Variants in ASF1B observed in about 807,000 individuals in gnomAD.
ASF1B encodes the protein anti-silencing function 1B histone chaperone.
Under a neutral mutation model 16.6 loss-of-function variants are expected in ASF1B, and 10 were observed. That is an observed-to-expected ratio of 0.60 (90% CI 0.37 to 1.02). The LOEUF (loss-of-function observed/expected upper bound fraction) is 1.02. ASF1B is among the 50% of genes least tolerant of loss of function. The pLI, the probability that ASF1B is intolerant of heterozygous loss-of-function variation, is 0.01. For missense variants in ASF1B, 240 were observed against 266.0 expected (o/e 0.90, Z 0.68); for synonymous variants, 101 against 106.2 (o/e 0.95, Z 0.30).
Position 14,136,423 on chromosome 19 carries a change from G to C in ASF1B, c.34C>G (p.Leu12Val), listed in dbSNP as rs1967503122. 2 of 1,613,678 alleles carry C rather than the reference G, an allele frequency of 1.2e-6. No homozygotes were observed. Among genetic ancestry groups the C allele is most frequent in the Non-Finnish European group, 8.5e-7 (1 of 1,179,794 alleles). The change falls in exon 1 of 4, where the codon CTG becomes GTG. Residue 12 changes from leucine to valine, a missense_variant. Physicochemically the swap from Leu to Val is conservative, Grantham distance 32. Transcript: ENST00000263382. ...AKVSVLNVAV[L>V]ENPSPFHSPF... Reference sequence around the variant, plus strand: ...CTGTGGAAAGGGCTCGGGTTCTCCAGGACCGCCACGTTCAGCACCGACACC... The same window carrying C: ...CTGTGGAAAGGGCTCGGGTTCTCCACGACCGCCACGTTCAGCACCGACACC...
intron 2 of ASF1B, among the ~76,000 whole-genome samples, chr19:14,125,602 GA>G (rs1239039053): frequency 6.6e-6 from 1 of 152,202 alleles, no homozygotes; most frequent in Non-Finnish European, 1.5e-5. Context: ...GCCCAGGCTG[GA>G]GTGCAGTGGT....
chr19:14,121,490 A>AGAACGGCCTTGTGGGAAGCAG, intron 3 of ASF1B, 42 bp downstream of exon 3: 1 of 1,589,486 alleles, frequency 6.3e-7, no homozygotes, highest in South Asian at 1.1e-5. Context: ...CCAAGTATAA[A>AGAACGGCCTTGTGGGAAGCAG]GAACGGCCTT....
chr19:14,121,804 A>ACTTTTTGCT, intron 2 of ASF1B, 96 bp from the exon 3 acceptor site: 1 of 1,171,148 alleles, frequency 8.5e-7, no homozygotes, highest in Non-Finnish European at 1.2e-6. Context: ...TACTGAGCAA[A>ACTTTTTGCT]AAGTATGCTC....
intron 1 of ASF1B, 48 bp from the exon 2 acceptor site, chr19:14,126,285 G>A: frequency 7.4e-7 from 1 of 1,353,040 alleles, no homozygotes; most frequent in Non-Finnish European, 1.0e-6. Flanking sequence ...TCAACAGCAA[G>A]AAGGCAGGGA....
At chr19:14,128,204 G>A (rs958021106) in intron 1 of ASF1B, among the ~76,000 whole-genome samples, 1 of 152,210 alleles carries the variant, frequency 6.6e-6, no homozygotes, top group African/African-American at 2.4e-5. Context: ...AGTTTCACAA[G>A]CTGTGATTTT....
At chr19:14,122,483 A>G (rs941263950) in intron 2 of ASF1B, among the ~76,000 whole-genome samples, 1 of 151,718 alleles carries the variant, frequency 6.6e-6, no homozygotes, top group Non-Finnish European at 1.5e-5. Flanking sequence ...CTCCTGCTTC[A>G]GCCTCCCAAA....
intron 2 of ASF1B, among the ~76,000 whole-genome samples, chr19:14,122,453 A>G (rs1967254633): frequency 6.7e-6 from 1 of 150,356 alleles, no homozygotes; most frequent in African/African-American, 2.5e-5. Context: ...GCATCCTTGA[A>G]CTCCTGGGCT....
chr19:14,121,373 G>C (rs1967233881), intron 3 of ASF1B, 159 bp downstream of exon 3: 1 of 761,720 alleles, frequency 1.3e-6, no homozygotes, highest in Middle Eastern at 3.5e-4. Context: ...GCCTTTGAGA[G>C]ACAAAGGTCT....
chr19:14,131,249 A>G (rs1308929395), intron 1 of ASF1B, among the ~76,000 whole-genome samples: 1 of 150,382 alleles, frequency 6.6e-6, no homozygotes, highest in East Asian at 1.9e-4. Context: ...CAGTGGCACA[A>G]TCTCAGCTCA....
chr19:14,136,048 G>A (rs1967491221), intron 1 of ASF1B, among the ~76,000 whole-genome samples: 1 of 151,774 alleles, frequency 6.6e-6, no homozygotes, highest in Non-Finnish European at 1.5e-5. Context: ...TCTATGGGGA[G>A]GTCGGGGCGG....
At chr19:14,130,463 G>A (rs1013178509) in intron 1 of ASF1B, among the ~76,000 whole-genome samples, 5 of 149,528 alleles carry the variant, frequency 3.3e-5, no homozygotes, top group African/African-American at 1.2e-4. Context: ...AAGCCCAGGA[G>A]TTCAAGTCCA....
At chr19:14,130,498 A>C (rs1292479611) in intron 1 of ASF1B, among the ~76,000 whole-genome samples, 10 of 149,498 alleles carry the variant, frequency 6.7e-5, no homozygotes. Flanking sequence ...GTGACACCCT[A>C]TCTCTTTAAA....
At chr19:14,130,567 T>A (rs1967386481) in intron 1 of ASF1B, among the ~76,000 whole-genome samples, 2 of 151,640 alleles carry the variant, frequency 1.3e-5, no homozygotes, top group African/African-American at 2.4e-5. Context: ...TATGATTTCA[T>A]CTCTAAATAT....
chr19:14,126,148 C>G lies in ASF1B; in HGVS notation c.199G>C (p.Ala67Pro). The change falls in exon 2 of 4, where the codon GCA becomes CCA. Residue 67 changes from alanine (A) to proline (P), a missense_variant. By Grantham distance (27) the Ala-to-Pro change is conservative (BLOSUM62 -1). Coordinates refer to ENST00000263382, the MANE Select transcript of ASF1B (RefSeq NM_018154.3). ...TGAAAGACAAACATGTGTCTCCCTGCTGGCACAGGGCCCACCAGCACCGAG... is the reference window on the plus strand; with the variant it reads ...TGAAAGACAAACATGTGTCTCCCTGGTGGCACAGGGCCCACCAGCACCGAG... ...LDSVLVGPVP[A>P]GRHMFVFQAD... 1 of 1,604,114 alleles carries G rather than the reference C, an allele frequency of 6.2e-7. No individual in the cohort carries two copies. Among genetic ancestry groups the G allele is most frequent in the Admixed American group, 1.7e-5 (1 of 57,344 alleles).
chr19:14,135,244 AGAG>A (rs1465673927), intron 1 of ASF1B, among the ~76,000 whole-genome samples: 1 of 150,758 alleles, frequency 6.6e-6, no homozygotes, highest in Non-Finnish European at 1.5e-5. Flanking sequence ...AAAAAAAAGA[AGAG>A]GAAGAAGAAG....
intron 1 of ASF1B, among the ~76,000 whole-genome samples, chr19:14,133,682 A>G (rs906495079): frequency 6.6e-6 from 1 of 151,994 alleles, no homozygotes; most frequent in Non-Finnish European, 1.5e-5. Context: ...AAAAACAAAA[A>G]AAGGACCAGC....
chr19:14,130,642 G>A (rs1273322310), intron 1 of ASF1B, among the ~76,000 whole-genome samples: 1 of 151,896 alleles, frequency 6.6e-6, no homozygotes, highest in East Asian at 1.9e-4. Flanking sequence ...ATAGCTATGA[G>A]TACAGGACAC....
At position 14,133,897 on chromosome 19, in the gene ASF1B, G is replaced by A. The variant is rs1026868048; in HGVS notation, c.109+2451C>T. Among the ~76,000 whole-genome samples the A allele has an allele frequency of 4.4e-5, 6 of 137,878 alleles. No homozygotes were observed. The South Asian group carries it at 1.2e-3, about 28-fold the overall frequency. The allele number at this position is 137,878 out of a possible 152,430, so 90.5% of individuals were successfully genotyped here. A position where few individuals can be genotyped will look rare whatever the true frequency, so the allele number is the denominator to read the frequency against. On this transcript the variant is annotated intron_variant, in intron 1 of 3. Coordinates refer to ENST00000263382, the MANE Select transcript of ASF1B (RefSeq NM_018154.3). ...CGGCTCACTGCAAGCTCCGCCTCCC[G>A]GGTTCACGCCATTCTCCTGCCTCAG...
In ASF1B at chr19:14,126,305, G is replaced by T. The variant is rs937397026; in HGVS notation, c.110-68C>A. Reference sequence around the variant, plus strand: ...AGCAAGAAGGCAGGGATAGGCTCTTGTATTTTTTTTTTTTTTTGAGATGGA... The same window carrying T: ...AGCAAGAAGGCAGGGATAGGCTCTTTTATTTTTTTTTTTTTTTGAGATGGA... On this transcript the variant is annotated intron_variant, in intron 1 of 3. Coordinates refer to ENST00000263382, the MANE Select transcript of ASF1B (RefSeq NM_018154.3). 1.0e-4 allele frequency: 105 copies of T among 1,053,542 alleles called. 1 individual carries two copies. The highest frequency in any genetic ancestry group is 9.8e-4 in the Middle Eastern group (4 of 4,078). 65.3% of individuals were successfully genotyped at this position (1,053,542 alleles called of 1,614,324 possible). A position where few individuals can be genotyped will look rare whatever the true frequency, so the allele number is the denominator to read the frequency against.
Sources: gnomAD v4.1 joint callset for allele counts (sites outside exome capture counted in the v4.1 genomes callset) on GRCh38, gnomAD v4.1.1 for gene constraint, MANE v1.5 for transcripts, NCBI Gene and HGNC (gene_info 2026-07-23, HGNC 2026-07-21) for gene names.